The following RASAL2 variants were observed in gnomAD, a reference collection of about 807,000 sequenced individuals.
RASAL2 encodes the protein ras GTPase-activating protein nGAP.
In RASAL2, 58 loss-of-function variants were observed where a neutral mutation model predicts 128.9. The ratio of observed to expected loss-of-function variants is 0.45; its 90% CI spans 0.36 to 0.56. The LOEUF is 0.56. Among genes scored for constraint, RASAL2 ranks in the 20% least tolerant of loss-of-function variants. The pLI is 0.00. For synonymous variants in RASAL2, 561 were observed against 580.8 expected (o/e 0.97, Z 0.49); for missense variants, 1,360 against 1,601.6 (o/e 0.85, Z 2.57).
chr1:178,154,942 A>G (rs142583217), intron 1 of RASAL2, among the ~76,000 whole-genome samples: 136 of 152,118 alleles, frequency 8.9e-4, no homozygotes, highest in African/African-American at 2.7e-3. Context: ...TCCTGCCTCA[A>G]CCTCCTGAGT....
rs766767770 is a variant in RASAL2 at position 178,452,478 on chromosome 1, G to A, written c.1835G>A (p.Gly612Asp). The A allele has an allele frequency of 1.1e-5, 18 of 1,613,936 alleles. No individual in the cohort carries two copies. Among genetic ancestry groups the A allele is most frequent in the South Asian group, 2.2e-5 (2 of 91,084 alleles). Residue 612 changes from glycine (G) to aspartate (D), a missense_variant, in exon 11 of 18, where the codon GGC becomes GAC. Around this residue, in one of 3 missense-constraint regions of RASAL2, gnomAD observed 741 missense variants for 868.6 expected, o/e 0.85. Transcript: ENST00000367649. ...ASWKQQCLNR[G>D]KQDISERLIS... Reference sequence around the variant, plus strand: ...TGGAAGCAGCAGTGCCTGAACCGTGGCAAGCAAGACATCAGCGAGAGGCTC... The same window carrying A: ...TGGAAGCAGCAGTGCCTGAACCGTGACAAGCAAGACATCAGCGAGAGGCTC...
chr1:178,449,495 A>G (rs928995733), intron 9 of RASAL2, among the ~76,000 whole-genome samples: 1 of 152,182 alleles, frequency 6.6e-6, no homozygotes, highest in African/African-American at 2.4e-5. Context: ...TAGAAAATAC[A>G]TCATAGAACA....
intron 1 of RASAL2, among the ~76,000 whole-genome samples, chr1:178,149,896 A>G (rs1010342953): frequency 6.6e-6 from 1 of 152,180 alleles, no homozygotes; most frequent in East Asian, 1.9e-4. Flanking sequence ...TAGACTAGGA[A>G]TGATTGTTAC....
At chr1:178,346,082 G>A (rs1445149943) in intron 3 of RASAL2, among the ~76,000 whole-genome samples, 1 of 152,126 alleles carries the variant, frequency 6.6e-6, no homozygotes, top group Non-Finnish European at 1.5e-5. Flanking sequence ...TGAAATTTAA[G>A]GAGTTTTTTT....
intron 1 of RASAL2, among the ~76,000 whole-genome samples, chr1:178,126,889 C>T (rs952149022): frequency 6.6e-6 from 1 of 152,320 alleles, no homozygotes; most frequent in Non-Finnish European, 1.5e-5. Context: ...TCTGCTGCCT[C>T]ATGACTTCTC....
chr1:178,300,849 A>C (rs1208844347), intron 3 of RASAL2, among the ~76,000 whole-genome samples: 1 of 152,224 alleles, frequency 6.6e-6, no homozygotes, highest in African/African-American at 2.4e-5. Context: ...TAGAAAAATG[A>C]AGCAATTTGA....
At chr1:178,394,501 A>G (rs1673100906) in intron 4 of RASAL2, among the ~76,000 whole-genome samples, 1 of 152,192 alleles carries the variant, frequency 6.6e-6, no homozygotes, top group Non-Finnish European at 1.5e-5. Context: ...GACTATTGAT[A>G]TTTATGATTT....
At chr1:178,465,879 ATGTGAC>A (rs1457031359) in intron 15 of RASAL2, 35 bp from the exon 16 acceptor site, 4 of 1,379,946 alleles carry the variant, frequency 2.9e-6, no homozygotes, top group Admixed American at 2.9e-5. Context: ...TCTAAAAGCA[ATGTGAC>A]TCTAGTTTTT....
intron 1 of RASAL2, among the ~76,000 whole-genome samples, chr1:178,193,543 A>G (rs1237679086): frequency 6.6e-6 from 1 of 152,016 alleles, no homozygotes; most frequent in Non-Finnish European, 1.5e-5. Flanking sequence ...AATTCTTTAA[A>G]CTTTCTTTAA....
At position 178,159,895 on chromosome 1, in the gene RASAL2, A is replaced by G. The variant is rs1208875406; in HGVS notation, c.202+65201A>G. Among the ~76,000 whole-genome samples, 4 of 152,184 alleles carry G rather than the reference A, an allele frequency of 2.6e-5. No homozygotes were observed. The East Asian group carries it at 7.7e-4, about 29-fold the overall frequency. ...ACTCCTGCCTGGGCGACAGAGCAAG[A>G]CTCTGTCTAAAACAAACAAACAAAC... On this transcript the variant is annotated intron_variant, in intron 1 of 17. Transcript: ENST00000367649.
At chr1:178,234,168 T>G (rs1208988089) in intron 1 of RASAL2, among the ~76,000 whole-genome samples, 2 of 152,246 alleles carry the variant, frequency 1.3e-5, no homozygotes, top group Admixed American at 1.3e-4. Context: ...TTTTTAATGC[T>G]CATTTGTCTC....
At chr1:178,307,338 C>A (rs1297647492) in intron 3 of RASAL2, among the ~76,000 whole-genome samples, 1 of 152,060 alleles carries the variant, frequency 6.6e-6, no homozygotes, top group Non-Finnish European at 1.5e-5. Flanking sequence ...TGCATCATGT[C>A]TAAAGTACCC....
At position 178,475,792 on chromosome 1, in the gene RASAL2, T is replaced by A. The variant is rs186125621; in HGVS notation, c.*2553T>A. ...ATTATGCAGCCTTCTACTACCAGGT[T>A]ATCTTGAATGAAGAAGAAATAGTAA... On this transcript the variant is annotated 3_prime_UTR_variant, in exon 18 of 18. Transcript: ENST00000367649. The A allele has an allele frequency of 1.0e-3, 152 of 152,368 alleles. No individual in the cohort carries two copies. Among genetic ancestry groups the A allele is most frequent in the African/African-American group, 3.6e-3 (149 of 41,588 alleles). The allele number at this position is 152,368 out of a possible 1,614,324, so 9.4% of individuals were successfully genotyped here. A position where few individuals can be genotyped will look rare whatever the true frequency, so the allele number is the denominator to read the frequency against.
intron 3 of RASAL2, among the ~76,000 whole-genome samples, chr1:178,300,887 ATTG>A (rs1398743049): frequency 2.0e-5 from 3 of 152,204 alleles, no homozygotes; most frequent in Non-Finnish European, 4.4e-5. Context: ...GGTGCTTTAT[ATTG>A]TTGTGTTATT....
At chr1:178,370,420 A>G (rs1235647558) in intron 3 of RASAL2, among the ~76,000 whole-genome samples, 1 of 152,234 alleles carries the variant, frequency 6.6e-6, no homozygotes, top group African/African-American at 2.4e-5. Flanking sequence ...TTAAGCATGC[A>G]TAGCCTGTGG....
At chr1:178,298,248 G>GT (rs1366574700) in intron 2 of RASAL2, among the ~76,000 whole-genome samples, 1 of 152,142 alleles carries the variant, frequency 6.6e-6, no homozygotes, top group Non-Finnish European at 1.5e-5. Flanking sequence ...TTAGATTACT[G>GT]TTTGTGAAGT....
intron 1 of RASAL2, among the ~76,000 whole-genome samples, chr1:178,230,018 T>C (rs1244589007): frequency 6.6e-6 from 1 of 152,090 alleles, no homozygotes; most frequent in Non-Finnish European, 1.5e-5. Context: ...TATAGATTAG[T>C]TTGGTTTGGT....
chr1:178,471,428 G>A (rs934306423), intron 17 of RASAL2, among the ~76,000 whole-genome samples: 5 of 151,966 alleles, frequency 3.3e-5, no homozygotes, highest in African/African-American at 1.2e-4. Flanking sequence ...TAAAAGCCTT[G>A]CAGCTCTTTC....
intron 1 of RASAL2, among the ~76,000 whole-genome samples, chr1:178,105,527 G>T (rs1300781575): frequency 6.6e-6 from 1 of 152,016 alleles, no homozygotes; most frequent in Non-Finnish European, 1.5e-5. Context: ...TGTTTAATTC[G>T]GGCAGGATAG....
Sources: gnomAD v4.1 joint callset for allele counts (sites outside exome capture counted in the v4.1 genomes callset) on GRCh38, gnomAD v4.1.1 for gene constraint, gnomAD v4.1.1 regional missense constraint, MANE v1.5 for transcripts, NCBI Gene and HGNC (gene_info 2026-07-23, HGNC 2026-07-21) for gene names.